SUPT3H: variants seen among roughly 807,000 people sequenced by gnomAD.
SUPT3H encodes SPT3 homolog, SAGA and STAGA complex component.
A neutral mutation model predicts 44.3 loss-of-function variants in SUPT3H; 44 were observed. The observed-to-expected ratio is 0.99, with a 90% confidence interval of 0.78 to 1.28. SUPT3H has a LOEUF of 1.28. SUPT3H is among the 50% of genes most tolerant of loss of function. The pLI is 0.00. For synonymous variants in SUPT3H, 124 were observed against 125.6 expected, an observed-to-expected ratio of 0.99 and a Z score of 0.09; for missense variants, 380 against 387.1, an observed-to-expected ratio of 0.98 and a Z score of 0.15.
intron 10 of SUPT3H, among the ~76,000 whole-genome samples, chr6:44,836,880 T>C (rs903322951): frequency 1.3e-5 from 2 of 152,220 alleles, no homozygotes; most frequent in Non-Finnish European, 1.5e-5. Flanking sequence ...CATACATCTT[T>C]GTTTAATAGT....
At chr6:45,360,608 T>C (rs567655547) in intron 2 of SUPT3H, among the ~76,000 whole-genome samples, 65 of 152,300 alleles carry the variant, frequency 4.3e-4, no homozygotes, top group African/African-American at 1.5e-3. Flanking sequence ...ACTTAAAAAA[T>C]AGTCAAATGA....
intron 2 of SUPT3H, among the ~76,000 whole-genome samples, chr6:45,175,109 A>T (rs192698590): frequency 6.6e-6 from 1 of 152,020 alleles, no homozygotes; most frequent in East Asian, 1.9e-4. Flanking sequence ...TTACTTACAT[A>T]GAACTTCCTA....
At position 45,135,520 on chromosome 6, in the gene SUPT3H, A is replaced by G. The variant is rs76267677; in HGVS notation, c.102-29514T>C. On this transcript the variant is annotated intron_variant, in intron 2 of 10. Transcript: ENST00000371459. ...TTTGCATAGAAATTTATTCCACCACATACCTAGTTCATCACTCTTAAATTC... is the reference window on the plus strand; with the variant it reads ...TTTGCATAGAAATTTATTCCACCACGTACCTAGTTCATCACTCTTAAATTC... 3.2e-4 allele frequency among the ~76,000 whole-genome samples: 48 copies of G among 152,336 alleles called. 2 individuals are homozygous for G. The East Asian group carries it at 8.5e-3, about 27-fold the overall frequency.
At chr6:44,863,875 T>C (rs763182643) in intron 10 of SUPT3H, among the ~76,000 whole-genome samples, 9 of 152,018 alleles carry the variant, frequency 5.9e-5, no homozygotes, top group Non-Finnish European at 1.0e-4. Context: ...TTTCCCTTTA[T>C]CAAACATCAG....
chr6:44,868,796 GT>G (rs1475574168), intron 10 of SUPT3H, among the ~76,000 whole-genome samples: 6 of 152,114 alleles, frequency 3.9e-5, no homozygotes. Context: ...TAGATTCCTT[GT>G]CAACTCATCT....
intron 2 of SUPT3H, among the ~76,000 whole-genome samples, chr6:45,330,888 T>C (rs894998687): frequency 1.3e-4 from 19 of 151,996 alleles, no homozygotes; most frequent in African/African-American, 3.6e-4. Flanking sequence ...GTATATGTTA[T>C]CACATTGCAA....
intron 2 of SUPT3H, among the ~76,000 whole-genome samples, chr6:45,190,813 G>A (rs1815005268): frequency 6.6e-6 from 1 of 151,972 alleles, no homozygotes; most frequent in South Asian, 2.1e-4. Flanking sequence ...TACACACATA[G>A]CAAATAAGCA....
intron 3 of SUPT3H, among the ~76,000 whole-genome samples, chr6:45,057,502 A>G (rs1029262636): frequency 6.6e-6 from 1 of 152,140 alleles, no homozygotes; most frequent in Non-Finnish European, 1.5e-5. Flanking sequence ...AAAAACAAAA[A>G]AACAAAACAA....
intron 3 of SUPT3H, among the ~76,000 whole-genome samples, chr6:45,055,494 T>C (rs1216964180): frequency 2.0e-5 from 3 of 152,018 alleles, no homozygotes; most frequent in African/African-American, 7.2e-5. Flanking sequence ...ACCCATGCAA[T>C]AGCATAGAGA....
chr6:45,263,439 C>G (rs139712266), intron 2 of SUPT3H, among the ~76,000 whole-genome samples: 1 of 152,170 alleles, frequency 6.6e-6, no homozygotes, highest in African/African-American at 2.4e-5. Flanking sequence ...ATTAGGCAGA[C>G]ATGGATATAA....
intron 2 of SUPT3H, among the ~76,000 whole-genome samples, chr6:45,156,098 A>G (rs1807772159): frequency 6.6e-6 from 1 of 152,166 alleles, no homozygotes; most frequent in Non-Finnish European, 1.5e-5. Flanking sequence ...AGCTTGTCAC[A>G]AAAAAACAGC....
chr6:45,165,350 A>G (rs899930054), intron 2 of SUPT3H, among the ~76,000 whole-genome samples: 1 of 152,234 alleles, frequency 6.6e-6, no homozygotes, highest in Non-Finnish European at 1.5e-5. Context: ...TCAACTACTG[A>G]TTGACTCTAC....
At chr6:45,055,332 T>C (rs150434042) in intron 3 of SUPT3H, among the ~76,000 whole-genome samples, 1,736 of 152,174 alleles carry the variant, frequency 0.011, 28 homozygotes, top group Admixed American at 0.051. Context: ...CTAAATTTCA[T>C]ATGGAACCAA....
intron 6 of SUPT3H, among the ~76,000 whole-genome samples, chr6:44,991,475 A>G (rs891952998): frequency 1.3e-5 from 2 of 151,360 alleles, no homozygotes; most frequent in Admixed American, 6.6e-5. Context: ...GATTATACTA[A>G]TCACTAAATA....
chr6:45,037,366 T>C (rs1787826305), intron 3 of SUPT3H, among the ~76,000 whole-genome samples: 1 of 151,114 alleles, frequency 6.6e-6, no homozygotes, highest in Non-Finnish European at 1.5e-5. Context: ...TAGAAATATA[T>C]GGCAGGGCGC....
intron 6 of SUPT3H, among the ~76,000 whole-genome samples, chr6:44,977,304 T>C (rs1405517527): frequency 6.6e-6 from 1 of 152,176 alleles, no homozygotes; most frequent in Non-Finnish European, 1.5e-5. Context: ...AATCACAGCA[T>C]AGAACAGCAG....
chr6:44,974,496 G>A (rs1778043450), intron 6 of SUPT3H, among the ~76,000 whole-genome samples: 1 of 152,106 alleles, frequency 6.6e-6, no homozygotes, highest in Non-Finnish European at 1.5e-5. Flanking sequence ...AACACAACTT[G>A]AAAACTACTG....
intron 2 of SUPT3H, among the ~76,000 whole-genome samples, chr6:45,291,141 G>A (rs1780252186): frequency 6.6e-6 from 1 of 152,138 alleles, no homozygotes; most frequent in Non-Finnish European, 1.5e-5. Flanking sequence ...CAGACAACCT[G>A]CAATACCAGC....
At chr6:45,068,410 A>C (rs1323287817) in intron 3 of SUPT3H, among the ~76,000 whole-genome samples, 2 of 149,772 alleles carry the variant, frequency 1.3e-5, no homozygotes, top group South Asian at 4.3e-4. Flanking sequence ...ACATGTATAC[A>C]TATGTAACTA....
Sources: gnomAD v4.1 joint callset for allele counts (sites outside exome capture counted in the v4.1 genomes callset) on GRCh38, gnomAD v4.1.1 for gene constraint, MANE v1.5 for transcripts, NCBI Gene and HGNC (gene_info 2026-07-23, HGNC 2026-07-21) for gene names.